Variants in NSD3 observed in about 807,000 individuals in gnomAD.
The protein encoded by NSD3 is nuclear receptor binding SET domain protein 3.
Under a neutral mutation model 160.8 loss-of-function variants are expected in NSD3, and 24 were observed. The observed-to-expected ratio is 0.15, with a 90% CI of 0.11 to 0.21. The LOEUF is 0.21. Ranked by LOEUF, NSD3 falls within the 10% of genes least tolerant of loss-of-function variation. NSD3 has a pLI of 1.00. For missense variants in NSD3, 1,157 were observed against 1,735.9 expected (o/e 0.67, Z 5.93); for synonymous variants, 520 against 600.0 (o/e 0.87, Z 1.95).
At chr8:38,323,777 AAGAT>A (rs1179896921) in intron 7 of NSD3, among the ~76,000 whole-genome samples, 1 of 151,270 alleles carries the variant, frequency 6.6e-6, no homozygotes, top group Non-Finnish European at 1.5e-5. Flanking sequence ...ACAGTGAACT[AAGAT>A]CACACCACTG....
intron 19 of NSD3, among the ~76,000 whole-genome samples, chr8:38,283,629 G>A (rs187247086): frequency 6.6e-6 from 1 of 152,226 alleles, no homozygotes; most frequent in East Asian, 1.9e-4. Context: ...TAAACTAGAA[G>A]GGCCCTAACC....
Position 38,316,992 on chromosome 8 carries a change from T to G in NSD3, c.1856-950A>C. On this transcript the variant is annotated intron_variant, in intron 9 of 23. Transcript: ENST00000317025. This position sits in a 1 kb window ranked among gnomAD's most constrained non-coding sequence, Gnocchi z 4.5. ...GACGGTTAATATTTCAACCCACAGT[T>G]TGTGTTTTGGATTTTTTCCCCCAAA... The G allele has an allele frequency of 9.4e-7, 1 of 1,059,944 alleles. No homozygotes were observed. Among genetic ancestry groups the G allele is most frequent in the Non-Finnish European group, 1.1e-6 (1 of 875,984 alleles). The allele number at this position is 1,059,944 out of a possible 1,614,324, so 65.7% of individuals were successfully genotyped here. A position where few individuals can be genotyped will look rare whatever the true frequency, so the allele number is the denominator to read the frequency against.
intron 14 of NSD3, among the ~76,000 whole-genome samples, chr8:38,299,953 T>C (rs1380718467): frequency 6.6e-6 from 1 of 151,936 alleles, no homozygotes; most frequent in East Asian, 1.9e-4. Context: ...AATGATATTA[T>C]ATATCATGTA....
intron 15 of NSD3, among the ~76,000 whole-genome samples, chr8:38,296,366 CGTT>C (rs1204324015): frequency 2.0e-5 from 3 of 152,098 alleles, no homozygotes; most frequent in Non-Finnish European, 2.9e-5. Flanking sequence ...AGCAAGTCAT[CGTT>C]GTATTTTAAT....
rs1341447538 is a variant in NSD3, at chr8:38,321,688, T to C, written c.1709-516A>G. ...ATGTAAGTTTTGCTGTTGTTATTAA[T>C]AACAAAAGCAGGAAAAGCAGGGAAG... On this transcript the variant is annotated intron_variant, in intron 7 of 23. Coordinates refer to ENST00000317025, the MANE Select transcript of NSD3 (RefSeq NM_023034.2). This position sits in a 1 kb window ranked among gnomAD's most constrained non-coding sequence, Gnocchi z 4.7. Among the ~76,000 whole-genome samples, 2 of 152,084 alleles carry C rather than the reference T, an allele frequency of 1.3e-5. No homozygotes were observed. The highest frequency in any genetic ancestry group is 1.9e-4 in the East Asian group (1 of 5,184).
rs2150371715 is a variant in NSD3, at chr8:38,321,113, A to C, written c.1768T>G (p.Ser590Ala). Residue 590 changes from serine (S) to alanine (A), a missense_variant, in exon 8 of 24, where the codon TCC becomes GCC. This residue lies in a region of NSD3 where 102 missense variants were observed against 126.5 expected (regional missense o/e 0.81). Transcript: ENST00000317025. The surrounding 1 kb of genome is among the most constrained non-coding windows in gnomAD (Gnocchi z 4.7). ...TTCTTCTTTGGCACAACCTCAGTGG[A>C]TTTCTCTGATTCAGAACGAGTTCTA... is the stretch of plus-strand genomic sequence containing the variant. ...SIRTRSESEK[S>A]TEVVPKKKIK... 6.2e-7 allele frequency: 1 copy of C among 1,613,450 alleles called. No individual in the cohort carries two copies. The highest frequency in any genetic ancestry group is 2.2e-5 in the East Asian group (1 of 44,844).
chr8:38,328,362 G>T (rs975231800), intron 6 of NSD3, among the ~76,000 whole-genome samples: 3 of 152,078 alleles, frequency 2.0e-5, no homozygotes, highest in Non-Finnish European at 4.4e-5. Context: ...AAGCCAATTT[G>T]TACTCAAAAA....
intron 11 of NSD3, 87 bp downstream of exon 11, chr8:38,315,329 T>C (rs977742951): frequency 1.4e-5 from 20 of 1,388,188 alleles, no homozygotes; most frequent in African/African-American, 5.9e-5. Context: ...TTTGGAAACA[T>C]ATTATCCTCT....
chr8:38,341,537 C>CAA (rs1311737092), intron 2 of NSD3, among the ~76,000 whole-genome samples: 8 of 68,896 alleles, frequency 1.2e-4, no homozygotes, highest in African/African-American at 1.6e-4. Context: ...GACTCCGTCT[C>CAA]AAAAAAAAAA....
intron 14 of NSD3, among the ~76,000 whole-genome samples, chr8:38,300,363 T>C (rs1393362050): frequency 6.6e-6 from 1 of 152,052 alleles, no homozygotes; most frequent in African/African-American, 2.4e-5. Context: ...GGGTCTATAA[T>C]AGCTTTTGTG....
rs1372601192 is a variant in NSD3 at position 38,363,819 on chromosome 8, G to C, written c.-44-15604C>G. On this transcript the variant is annotated intron_variant, in intron 1 of 23. Coordinates refer to ENST00000317025, the MANE Select transcript of NSD3 (RefSeq NM_023034.2). The stretch of plus-strand genomic sequence containing the variant: ...TGTGTCGTTTTAAGCCATTAAGTTT[G>C]TTGTAATTTGTTACAGCAGCAACAA... The C allele has an allele frequency of 2.0e-5, 3 of 152,274 alleles. No homozygotes were observed. The East Asian group carries it at 5.8e-4, about 29-fold the overall frequency. 9.4% of individuals were successfully genotyped at this position (152,274 alleles called of 1,614,324 possible). A position where few individuals can be genotyped will look rare whatever the true frequency, so the allele number is the denominator to read the frequency against.
At chr8:38,314,606 C>T in intron 12 of NSD3, 41 bp downstream of exon 12, 1 of 1,612,508 alleles carries the variant, frequency 6.2e-7, no homozygotes, top group Non-Finnish European at 8.5e-7. Flanking sequence ...CTGGCACAAT[C>T]CCATTCATCT....
In NSD3 at chr8:38,316,957, G is replaced by A. The variant is rs1443198707; in HGVS notation, c.1856-915C>T. On this transcript the variant is annotated intron_variant, in intron 9 of 23. Transcript: ENST00000317025. The surrounding 1 kb of genome is among the most constrained non-coding windows in gnomAD (Gnocchi z 4.5). ...CAGATCAGGCACGGTGAATACCAAG[G>A]AACCAAGGAGACGGTTAATATTTCA... 1.9e-6 allele frequency: 2 copies of A among 1,060,904 alleles called. No homozygotes were observed. The highest frequency in any genetic ancestry group is 1.0e-4 in the East Asian group (2 of 19,488). 65.7% of individuals were successfully genotyped at this position (1,060,904 alleles called of 1,614,324 possible).
intron 1 of NSD3, among the ~76,000 whole-genome samples, chr8:38,353,895 G>A (rs1810759184): frequency 6.6e-6 from 1 of 152,158 alleles, no homozygotes; most frequent in Non-Finnish European, 1.5e-5. Context: ...TCAGTCTCCT[G>A]ATTTCTAATC....
At chr8:38,323,226 T>G (rs1227173665) in intron 7 of NSD3, among the ~76,000 whole-genome samples, 2 of 152,040 alleles carry the variant, frequency 1.3e-5, no homozygotes, top group African/African-American at 2.4e-5. Context: ...AGCTAATTTT[T>G]TTTTTGTACC....
At chr8:38,301,100 G>A (rs1043885195) in intron 14 of NSD3, among the ~76,000 whole-genome samples, 52 of 152,246 alleles carry the variant, frequency 3.4e-4, no homozygotes, top group Middle Eastern at 3.4e-3. Context: ...CTCCCGAGTA[G>A]CTAGGACTAC....
Position 38,284,375 on chromosome 8 carries a change from C to T in NSD3, c.3502-2792G>A, listed in dbSNP as rs558480845. On this transcript the variant is annotated intron_variant, in intron 19 of 23. Coordinates refer to ENST00000317025, the MANE Select transcript of NSD3 (RefSeq NM_023034.2). Reference sequence around the variant, plus strand: ...TGCATTGCCACATACTGTTACTATACTTAATGATGTTAGGGCAAATTTTCT... The same window carrying T: ...TGCATTGCCACATACTGTTACTATATTTAATGATGTTAGGGCAAATTTTCT... 1.1e-3 allele frequency among the ~76,000 whole-genome samples: 164 copies of T among 152,290 alleles called. 1 individual carries two copies. Among genetic ancestry groups the T allele is most frequent in the African/African-American group, 3.6e-3 (151 of 41,570 alleles).
At chr8:38,344,279 T>G (rs1416644385) in intron 2 of NSD3, among the ~76,000 whole-genome samples, 1 of 152,140 alleles carries the variant, frequency 6.6e-6, no homozygotes, top group Admixed American at 6.5e-5. Context: ...TTTTTTTATT[T>G]GTTTGTTTTT....
Position 38,288,424 on chromosome 8 carries a change from C to A in NSD3, c.3501+63G>T, listed in dbSNP as rs971363006. 3.8e-6 allele frequency: 6 copies of A among 1,573,468 alleles called. No individual in the cohort carries two copies. The highest frequency in any genetic ancestry group is 2.7e-5 in the African/African-American group (2 of 73,884). ...ATTTTATCCCTAGAACTATACCCTA[C>A]TGAAGCATTCCTGAAAAGCCAGGTT... On this transcript the variant is annotated intron_variant, in intron 19 of 23. Coordinates refer to ENST00000317025, the MANE Select transcript of NSD3 (RefSeq NM_023034.2). This position sits in a 1 kb window ranked among gnomAD's most constrained non-coding sequence, Gnocchi z 4.5.
Sources: allele counts gnomAD v4.1 joint callset (sites outside exome capture counted in the v4.1 genomes callset), GRCh38; gene constraint gnomAD v4.1.1; regional missense constraint gnomAD v4.1.1; non-coding constraint Gnocchi (gnomAD v3.1); transcripts MANE v1.5; gene names NCBI Gene and HGNC (gene_info 2026-07-23, HGNC 2026-07-21).